The following ANKFN1 variants were observed in gnomAD, a reference collection of about 807,000 sequenced individuals.
The protein encoded by ANKFN1 is ankyrin repeat and fibronectin type III domain containing 1, also known as ankyrin repeat and fibronectin type-III domain-containing protein 1.
A neutral mutation model predicts 108.7 loss-of-function variants in ANKFN1; 74 were observed. The ratio of observed to expected loss-of-function variants is 0.68; its 90% CI spans 0.56 to 0.83. The LOEUF (loss-of-function observed/expected upper bound fraction) is 0.83, where lower values mean the gene tolerates loss of function less well. Among genes scored for constraint, ANKFN1 ranks in the 40% least tolerant of loss-of-function variants. ANKFN1 has a pLI of 0.00. For missense variants in ANKFN1, 1,505 were observed against 1,382.3 expected (o/e 1.09, Z -1.41); for synonymous variants, 547 against 516.2 (o/e 1.06, Z -0.81).
chr17:56,391,376 G>A (rs1463996389), intron 8 of ANKFN1, among the ~76,000 whole-genome samples: 2,073 of 18,088 alleles, frequency 0.11, 67 homozygotes, highest in African/African-American at 0.23. Context: ...ATATGTGTGT[G>A]TGTGTGTGTG....
rs1308302779 is a variant in ANKFN1, at chr17:56,467,419, C to T, written c.1773+848C>T. Among the ~76,000 whole-genome samples the T allele has an allele frequency of 3.3e-5, 5 of 152,048 alleles. No homozygotes were observed. In the East Asian group the frequency reaches 9.7e-4, roughly 29 times the overall value. On this transcript the variant is annotated intron_variant, in intron 15 of 20. Transcript: ENST00000682825. ...TAGAGGCTGGGCGCAGTGGCTCACA[C>T]CTGTAATCGTAGCACTTTGGGAGGC... is the stretch of plus-strand genomic sequence containing the variant.
At chr17:56,310,773 TA>T (rs1483946931) in intron 3 of ANKFN1, among the ~76,000 whole-genome samples, 1 of 150,342 alleles carries the variant, frequency 6.7e-6, no homozygotes, top group Non-Finnish European at 1.5e-5. Context: ...TGTGTGTGTG[TA>T]GAACATTGAA....
intron 3 of ANKFN1, among the ~76,000 whole-genome samples, chr17:56,248,476 T>C (rs2043165673): frequency 6.6e-6 from 1 of 152,234 alleles, no homozygotes; most frequent in African/African-American, 2.4e-5. Context: ...ATGTTCCTAA[T>C]GTATATTATG....
At position 56,456,884 on chromosome 17, in the gene ANKFN1, G is replaced by A. The variant is rs1252219596; in HGVS notation, c.1231G>A (p.Gly411Ser). The A allele has an allele frequency of 6.2e-7, 1 of 1,613,928 alleles. No individual in the cohort carries two copies. The highest frequency in any genetic ancestry group is 8.5e-7 in the Non-Finnish European group (1 of 1,180,000). ...AGAAAGCACAAAATTACAAACCACA[G>A]GCCGCAAGCAGTCAGTCTCAAGAAG... The part of the protein sequence containing the change: ...CRESTKLQTT[G>S]RKQSVSRSLK... Residue 411 changes from glycine (G) to serine (S), a missense_variant, in exon 12 of 21, where the codon GGC becomes AGC. Physicochemically the swap from Gly to Ser is moderately conservative, Grantham distance 56 (BLOSUM62 0). Transcript: ENST00000682825.
At chr17:56,337,692 C>A (rs1371285314) in intron 4 of ANKFN1, among the ~76,000 whole-genome samples, 3 of 152,126 alleles carry the variant, frequency 2.0e-5, no homozygotes, top group African/African-American at 7.2e-5. Context: ...AGCCAACAGA[C>A]ACATGAAAAA....
chr17:56,070,062 A>T (rs2332568), intron 4 of ANKFN1, among the ~76,000 whole-genome samples: 104,879 of 152,002 alleles, frequency 0.69, 36,644 homozygotes, highest in Middle Eastern at 0.76. Context: ...CAGCTTCTTT[A>T]CTACAACCTG....
chr17:56,271,830 C>G (rs937343293), intron 3 of ANKFN1, among the ~76,000 whole-genome samples: 1 of 152,212 alleles, frequency 6.6e-6, no homozygotes, highest in African/African-American at 2.4e-5. Context: ...CTGAAAGTCA[C>G]TGGCAATTTG....
chr17:56,336,607 C>A (rs1175765621), intron 4 of ANKFN1, among the ~76,000 whole-genome samples: 2 of 152,110 alleles, frequency 1.3e-5, no homozygotes, highest in Non-Finnish European at 2.9e-5. Flanking sequence ...ATTCTTCTCT[C>A]TTTTCCTCTT....
chr17:56,511,120 G>A lies in ANKFN1; in HGVS notation c.3292G>A (p.Ala1098Thr). 6.5e-7 allele frequency: 1 copy of A among 1,536,008 alleles called. No individual in the cohort carries two copies. The highest frequency in any genetic ancestry group is 8.7e-7 in the Non-Finnish European group (1 of 1,146,856). Residue 1098 changes from alanine to threonine, a missense_variant, in exon 21 of 21, where the codon GCC (alanine) becomes ACC (threonine). Physicochemically the swap from Ala to Thr is moderately conservative, Grantham distance 58 (BLOSUM62 0). Transcript: ENST00000682825. ...CCTCTACGTGGAGCCCTACGCAGCG[G>A]CCGTGGTGGCCCAGGACGAAAAACC... ...RRLYVEPYAA[A>T]VVAQDEKPWA...
intron 3 of ANKFN1, among the ~76,000 whole-genome samples, chr17:56,262,023 A>G (rs1483387826): frequency 6.6e-6 from 1 of 152,204 alleles, no homozygotes; most frequent in Non-Finnish European, 1.5e-5. Context: ...AAGGCATTTC[A>G]AGATCAACGT....
At position 56,513,425 on chromosome 17, in the gene ANKFN1, C is replaced by T. The variant is rs2051831354; in HGVS notation, c.*2156C>T. Among the ~76,000 whole-genome samples, 1 of 152,162 alleles carries T rather than the reference C, an allele frequency of 6.6e-6. No homozygotes were observed. The highest frequency in any genetic ancestry group is 1.5e-5 in the Non-Finnish European group (1 of 68,032). ...GCCTCTTAGTTAATAACAAGAATGG[C>T]AGAGTCATTTGCACTCAGTTTCTAC... On this transcript the variant is annotated 3_prime_UTR_variant, in exon 21 of 21. Coordinates refer to ENST00000682825, the MANE Select transcript of ANKFN1 (RefSeq NM_001370326.1).
intron 4 of ANKFN1, among the ~76,000 whole-genome samples, chr17:56,132,332 C>T (rs1246570110): frequency 2.0e-5 from 3 of 152,040 alleles, no homozygotes; most frequent in African/African-American, 7.2e-5. Context: ...CTGTTTGAGA[C>T]GTGTGACCTG....
chr17:56,403,729 T>C (rs2047833837), intron 8 of ANKFN1, among the ~76,000 whole-genome samples: 1 of 152,156 alleles, frequency 6.6e-6, no homozygotes, highest in African/African-American at 2.4e-5. Context: ...TGTTTTTTTC[T>C]TTTTAACTTG....
intron 1 of ANKFN1, chr17:56,174,367 G>A (rs1163070807): frequency 1.0e-6 from 1 of 985,434 alleles, no homozygotes; most frequent in Non-Finnish European, 1.2e-6. Flanking sequence ...CCACATTCTG[G>A]GACAGCTGGA....
intron 6 of ANKFN1, among the ~76,000 whole-genome samples, chr17:56,364,658 G>T (rs1462375757): frequency 2.0e-5 from 3 of 152,310 alleles, no homozygotes; most frequent in Non-Finnish European, 4.4e-5. Flanking sequence ...CTTTGAGTTT[G>T]ATGAGTTCCA....
At chr17:56,273,956 C>A (rs1012329364) in intron 3 of ANKFN1, among the ~76,000 whole-genome samples, 1 of 152,206 alleles carries the variant, frequency 6.6e-6, no homozygotes, top group Non-Finnish European at 1.5e-5. Flanking sequence ...ACATTGACTT[C>A]TTCTATGTTT....
intron 3 of ANKFN1, among the ~76,000 whole-genome samples, chr17:56,292,008 C>T (rs2044376580): frequency 6.6e-6 from 1 of 152,186 alleles, no homozygotes; most frequent in African/African-American, 2.4e-5. Context: ...CTCCCAAATA[C>T]TGCTGCCAGT....
chr17:56,481,815 C>CG (rs2050715003), intron 17 of ANKFN1, among the ~76,000 whole-genome samples: 4 of 152,206 alleles, frequency 2.6e-5, no homozygotes, highest in Non-Finnish European at 5.9e-5. Flanking sequence ...AAGAGCTCCA[C>CG]TTGTGACACT....
At chr17:56,198,704 G>T (rs1322168155) in intron 1 of ANKFN1, among the ~76,000 whole-genome samples, 1 of 151,790 alleles carries the variant, frequency 6.6e-6, no homozygotes, top group African/African-American at 2.4e-5. Flanking sequence ...TATTTATAAC[G>T]CCTTTTCTTA....
Sources: allele counts gnomAD v4.1 joint callset (sites outside exome capture counted in the v4.1 genomes callset), GRCh38; gene constraint gnomAD v4.1.1; transcripts MANE v1.5; gene names NCBI Gene and HGNC (gene_info 2026-07-23, HGNC 2026-07-21).